Variants in CSMD2 observed in about 807,000 individuals in gnomAD.
The protein encoded by CSMD2 is CUB and Sushi multiple domains 2.
Under a neutral mutation model 398.5 loss-of-function variants are expected in CSMD2, and 130 were observed. That is an observed-to-expected ratio of 0.33 (90% CI 0.28 to 0.38). CSMD2 has a LOEUF of 0.38. Ranked by LOEUF, CSMD2 falls within the 10% of genes least tolerant of loss-of-function variation. CSMD2 has a pLI of 1.00. For synonymous variants in CSMD2, 1,828 were observed against 1,908.5 expected (o/e 0.96, Z 1.10); for missense variants, 3,829 against 4,764.9 (o/e 0.80, Z 5.78).
chr1:33,724,611 G>A lies in CSMD2; in HGVS notation c.2789C>T (p.Thr930Ile). 1 of 1,614,184 alleles carries A rather than the reference G, an allele frequency of 6.2e-7. No homozygotes were observed. Among genetic ancestry groups the A allele is most frequent in the Non-Finnish European group, 8.5e-7 (1 of 1,180,026 alleles). Residue 930 changes from threonine (T) to isoleucine (I), a missense_variant, in exon 18 of 71, where the codon ACC becomes ATC. Transcript: ENST00000373381. ...GNDFYVGALV[T>I]FSCDSGYTLS... ...TGTGTAGCCCGAGTCACAGCTGAAG[G>A]TCACCAGCGCGCCCACGTAGAAGTC... is the stretch of plus-strand genomic sequence containing the variant.
intron 12 of CSMD2, among the ~76,000 whole-genome samples, chr1:33,783,486 A>C (rs990754171): frequency 6.9e-6 from 1 of 145,826 alleles, no homozygotes. Flanking sequence ...CTGTGTGTGC[A>C]TGCACCCAGG....
chr1:33,557,126 G>A (rs1057328980), intron 55 of CSMD2, among the ~76,000 whole-genome samples: 1 of 152,142 alleles, frequency 6.6e-6, no homozygotes, highest in African/African-American at 2.4e-5. Flanking sequence ...CTATGTACCA[G>A]ATACTATGCT....
intron 5 of CSMD2, among the ~76,000 whole-genome samples, chr1:33,901,929 C>CA (rs1642783778): frequency 1.3e-5 from 2 of 152,184 alleles, no homozygotes; most frequent in Non-Finnish European, 2.9e-5. Context: ...TGGGCAGAAT[C>CA]TACTTCCTTT....
At chr1:33,969,804 T>C (rs2147912296) in intron 3 of CSMD2, among the ~76,000 whole-genome samples, 1 of 150,664 alleles carries the variant, frequency 6.6e-6, no homozygotes. Flanking sequence ...CAGATCACAC[T>C]AAGAATCCAT....
rs1653954992 is a variant in CSMD2 at position 33,518,406 on chromosome 1, TG to T, written c.*53+1058del. ...GTATGCGTATGTGTGTGTGTGTGTGTGCATGACCGTGTACACGTGTGGGTGT... is the reference window on the plus strand; with the variant it reads ...GTATGCGTATGTGTGTGTGTGTGTGTCATGACCGTGTACACGTGTGGGTGT... On this transcript the variant is annotated intron_variant, in intron 70 of 70. Coordinates refer to ENST00000373381, the MANE Select transcript of CSMD2 (RefSeq NM_001281956.2). This position sits in a 1 kb window ranked among gnomAD's most constrained non-coding sequence, Gnocchi z 4.3. 7.2e-6 allele frequency among the ~76,000 whole-genome samples: 1 copy of T among 138,200 alleles called. No homozygotes were observed. Among genetic ancestry groups the T allele is most frequent in the Admixed American group, 7.1e-5 (1 of 14,048 alleles). 90.7% of individuals were successfully genotyped at this position (138,200 alleles called of 152,430 possible).
At chr1:34,123,628 C>A (rs535130620) in intron 1 of CSMD2, among the ~76,000 whole-genome samples, 2 of 152,034 alleles carry the variant, frequency 1.3e-5, no homozygotes, top group East Asian at 3.9e-4. Context: ...GGGAACTGAG[C>A]CCCCAACCCA....
intron 13 of CSMD2, among the ~76,000 whole-genome samples, chr1:33,756,310 T>C (rs1490238560): frequency 6.6e-6 from 1 of 152,198 alleles, no homozygotes; most frequent in Non-Finnish European, 1.5e-5. Context: ...CAAGTATTGA[T>C]GGAGTGACGG....
intron 3 of CSMD2, among the ~76,000 whole-genome samples, chr1:34,010,849 T>C (rs1647252439): frequency 6.6e-6 from 1 of 152,100 alleles, no homozygotes; most frequent in Non-Finnish European, 1.5e-5. Context: ...ATGGTCTCGA[T>C]CTCCTGACCT....
chr1:33,796,521 T>C (rs1293977560), intron 10 of CSMD2, among the ~76,000 whole-genome samples: 1 of 152,280 alleles, frequency 6.6e-6, no homozygotes, highest in Non-Finnish European at 1.5e-5. Context: ...TATAATTTCT[T>C]ATGCCTGTCT....
At chr1:33,745,926 T>C (rs993838992) in intron 13 of CSMD2, among the ~76,000 whole-genome samples, 1 of 152,192 alleles carries the variant, frequency 6.6e-6, no homozygotes. Context: ...GGTATTGTTA[T>C]TAACCCCATT....
At chr1:34,092,877 C>T (rs532319765) in intron 1 of CSMD2, among the ~76,000 whole-genome samples, 15 of 151,800 alleles carry the variant, frequency 9.9e-5, no homozygotes, top group South Asian at 4.2e-4. Context: ...ACAAAGCAGC[C>T]GGAAAGCTCG....
chr1:33,668,313 G>A (rs1056538534), intron 25 of CSMD2, among the ~76,000 whole-genome samples: 1 of 152,146 alleles, frequency 6.6e-6, no homozygotes, highest in South Asian at 2.1e-4. Flanking sequence ...GACAGGTTCC[G>A]ATTTACATTT....
chr1:33,769,476 A>G (rs10914774), intron 13 of CSMD2, among the ~76,000 whole-genome samples: 10,783 of 152,258 alleles, frequency 0.071, 543 homozygotes, highest in African/African-American at 0.13. Flanking sequence ...AGCTAGCTCC[A>G]CCTTTTCTTT....
rs371150673 is a variant in CSMD2 at position 33,810,856 on chromosome 1, A to T, written c.1333T>A (p.Cys445Ser). ...GAGGGGCCTCGAAGGTGGGCATCAC[A>T]CATGCGGGCTGCAGAGGAGATGAAA... ...DHRPVCRARM[C>S]DAHLRGPSGI... Residue 445 changes from cysteine to serine, a missense_variant, in exon 10 of 71, where the codon TGT becomes AGT. Physicochemically the swap from Cys to Ser is moderately radical, Grantham distance 112 (BLOSUM62 -1). Transcript: ENST00000373381. 2.5e-6 allele frequency: 4 copies of T among 1,611,708 alleles called. No individual in the cohort carries two copies. In the African/African-American group the frequency reaches 4.0e-5, roughly 16 times the overall value.
Position 34,019,723 on chromosome 1 carries a change from A to G in CSMD2, c.517+12871T>C, listed in dbSNP as rs1410298898. ...GCCACTTCCCTGCCTAAGACCCTTCAGCGATGGTCCCCTTCTTGTGAGTAA... is the reference window on the plus strand; with the variant it reads ...GCCACTTCCCTGCCTAAGACCCTTCGGCGATGGTCCCCTTCTTGTGAGTAA... On this transcript the variant is annotated intron_variant, in intron 3 of 70. Transcript: ENST00000373381. Among the ~76,000 whole-genome samples, 6 of 152,248 alleles carry G rather than the reference A, an allele frequency of 3.9e-5. No homozygotes were observed. The East Asian group carries it at 9.7e-4, about 25-fold the overall frequency.
chr1:33,827,086 T>A (rs1658910692), intron 6 of CSMD2, among the ~76,000 whole-genome samples: 1 of 152,206 alleles, frequency 6.6e-6, no homozygotes, highest in African/African-American at 2.4e-5. Context: ...TTGTCTATCA[T>A]CCTGATTCAA....
intron 1 of CSMD2, among the ~76,000 whole-genome samples, chr1:34,103,405 T>C (rs6663531): frequency 0.032 from 4,882 of 150,794 alleles, 291 homozygotes; most frequent in African/African-American, 0.11. Flanking sequence ...TTCACGCCAT[T>C]CTCCTGCCTC....
chr1:34,137,424 C>T (rs1316213557), intron 1 of CSMD2, among the ~76,000 whole-genome samples: 1 of 152,184 alleles, frequency 6.6e-6, no homozygotes, highest in Non-Finnish European at 1.5e-5. Flanking sequence ...TCCTCTCATG[C>T]CCAGATTCCC....
In CSMD2 at chr1:33,897,512, C is replaced by T. The variant is rs1248020198; in HGVS notation, c.920+20582G>A. Among the ~76,000 whole-genome samples, 3 of 152,220 alleles carry T rather than the reference C, an allele frequency of 2.0e-5. No homozygotes were observed. The East Asian group carries it at 5.8e-4, about 29-fold the overall frequency. On this transcript the variant is annotated intron_variant, in intron 5 of 70. Coordinates refer to ENST00000373381, the MANE Select transcript of CSMD2 (RefSeq NM_001281956.2). ...AACAAGCTGCTGCTGCTGTCTTTAA[C>T]AATGCAAGTAAAAACCTGTGGGTTC...
Sources: allele counts gnomAD v4.1 joint callset (sites outside exome capture counted in the v4.1 genomes callset), GRCh38; gene constraint gnomAD v4.1.1; non-coding constraint Gnocchi (gnomAD v3.1); transcripts MANE v1.5; gene names NCBI Gene and HGNC (gene_info 2026-07-23, HGNC 2026-07-21).